Variants in MEX3D observed in about 807,000 individuals in gnomAD.
MEX3D encodes the protein RNA-binding protein MEX3D.
In MEX3D, 4 loss-of-function variants were observed where a neutral mutation model predicts 6.3. The observed-to-expected ratio is 0.64, with a 90% CI of 0.31 to 1.46. The LOEUF (loss-of-function observed/expected upper bound fraction) is 1.46, where lower values mean the gene tolerates loss of function less well. MEX3D is among the 40% of genes most tolerant of loss of function. The pLI is 0.07. For synonymous variants in MEX3D, 626 were observed against 494.1 expected, an observed-to-expected ratio of 1.27 and a Z score of -3.54; for missense variants, 1,038 against 994.4, an observed-to-expected ratio of 1.04 and a Z score of -0.59.
chr19:1,556,142 G>T lies in MEX3D; in HGVS notation c.1377C>A (p.Phe459Leu). The T allele has an allele frequency of 6.8e-7, 1 of 1,473,278 alleles. No homozygotes were observed. The highest frequency in any genetic ancestry group is 1.5e-5 in the African/African-American group (1 of 67,584). 91.3% of individuals were successfully genotyped at this position (1,473,278 alleles called of 1,614,324 possible). ...DDCDFGFDFD[F>L]LALDLTVPAA... ...CGGGCACGGTCAGGTCCAGCGCCAG[G>T]AAGTCGAAGTCGAAGCCGAAGTCGC... The change falls in exon 2 of 2, where the codon TTC becomes TTA. Residue 459 changes from phenylalanine (F) to leucine (L), a missense_variant. This residue lies in a region of MEX3D where 581 missense variants were observed against 516.2 expected (regional missense o/e 1.13). Transcript: ENST00000402693. This position sits in a 1 kb window ranked among gnomAD's most constrained non-coding sequence, Gnocchi z 7.5.
intron 1 of MEX3D, among the ~76,000 whole-genome samples, chr19:1,566,028 C>T (rs1347232535): frequency 6.6e-6 from 1 of 152,246 alleles, no homozygotes; most frequent in Non-Finnish European, 1.5e-5. Context: ...TCGGCTTGGA[C>T]GCCTGTCTCC....
chr19:1,558,871 G>T (rs1479225457), intron 1 of MEX3D, among the ~76,000 whole-genome samples: 1 of 152,188 alleles, frequency 6.6e-6, no homozygotes, highest in Non-Finnish European at 1.5e-5. Flanking sequence ...GGACATGAGT[G>T]TCAGTGTGGG....
intron 1 of MEX3D, among the ~76,000 whole-genome samples, chr19:1,559,730 A>G (rs1914671340): frequency 6.6e-6 from 1 of 152,116 alleles, no homozygotes; most frequent in Non-Finnish European, 1.5e-5. Flanking sequence ...AGCACTTTTG[A>G]CGGGGAAGAA....
chr19:1,556,682 G>A lies in MEX3D; in HGVS notation c.837C>T (p.Arg279=), dbSNP rs758205134. The A allele has an allele frequency of 2.5e-6, 4 of 1,610,636 alleles. No individual in the cohort carries two copies. The highest frequency in any genetic ancestry group is 4.5e-5 in the East Asian group (2 of 44,822). The change falls in exon 2 of 2, where the codon CGC becomes CGT. Residue 279 remains arginine, a synonymous_variant. Coordinates refer to ENST00000402693, the MANE Select transcript of MEX3D (RefSeq NM_203304.4). The surrounding 1 kb of genome is among the most constrained non-coding windows in gnomAD (Gnocchi z 7.5). ...CCAGCCCCACCACCCGGTAGGGCAC[G>A]CGCACCTGGATGGTGGTCTGTCCGG... is the stretch of plus-strand genomic sequence containing the variant. ...NLPGQTTIQV[R]VPYRVVGLVV... is the part of the protein sequence containing the mutation.
intron 1 of MEX3D, among the ~76,000 whole-genome samples, chr19:1,563,281 G>T (rs182432510): frequency 1.3e-5 from 2 of 152,182 alleles, no homozygotes; most frequent in East Asian, 3.9e-4. Flanking sequence ...CAAGGGACAG[G>T]AGGGGAGACA....
chr19:1,566,464 G>A (rs919462150), intron 1 of MEX3D, among the ~76,000 whole-genome samples: 2 of 152,168 alleles, frequency 1.3e-5, no homozygotes, highest in Non-Finnish European at 2.9e-5. Context: ...GGGCCCCGGG[G>A]AGGCAGGGAC....
At chr19:1,560,450 T>G (rs1260984052) in intron 1 of MEX3D, among the ~76,000 whole-genome samples, 2 of 152,182 alleles carry the variant, frequency 1.3e-5, no homozygotes, top group South Asian at 2.1e-4. Flanking sequence ...GGGTGCAGCA[T>G]GGGGTCCTCC....
intron 1 of MEX3D, among the ~76,000 whole-genome samples, chr19:1,560,980 A>C (rs1914703439): frequency 6.6e-6 from 1 of 152,166 alleles, no homozygotes; most frequent in African/African-American, 2.4e-5. Context: ...GGGGACACCG[A>C]AGGTTGGCAG....
chr19:1,562,635 C>G (rs558809081), intron 1 of MEX3D, among the ~76,000 whole-genome samples: 1 of 152,086 alleles, frequency 6.6e-6, no homozygotes, highest in African/African-American at 2.4e-5. Flanking sequence ...GAGGTTGAGG[C>G]TGCAGTGAGC....
rs1204614628 is a variant in MEX3D at position 1,555,125 on chromosome 19, T to A, written c.*438A>T. The A allele has an allele frequency of 2.9e-6, 1 of 344,052 alleles. No homozygotes were observed. The highest frequency in any genetic ancestry group is 5.4e-6 in the Non-Finnish European group (1 of 185,768). The allele number at this position is 344,052 out of a possible 1,614,324, so 21.3% of individuals were successfully genotyped here. On this transcript the variant is annotated 3_prime_UTR_variant, in exon 2 of 2. Coordinates refer to ENST00000402693, the MANE Select transcript of MEX3D (RefSeq NM_203304.4). ...AATGTCACCCTCCTCCTCTGGAACG[T>A]CTGTGCGGCCTGAGACCGGCCGGCG...
At chr19:1,566,452 G>T (rs1043870609) in intron 1 of MEX3D, among the ~76,000 whole-genome samples, 2 of 152,168 alleles carry the variant, frequency 1.3e-5, no homozygotes, top group African/African-American at 4.8e-5. Flanking sequence ...CTGGATTCCC[G>T]AGGGCCCCGG....
chr19:1,563,350 G>A (rs995639353), intron 1 of MEX3D, among the ~76,000 whole-genome samples: 5 of 152,208 alleles, frequency 3.3e-5, no homozygotes, highest in Admixed American at 1.3e-4. Flanking sequence ...GCCTTAGCCT[G>A]TGCCGACAGC....
At chr19:1,557,275 C>G (rs914271398) in intron 1 of MEX3D, among the ~76,000 whole-genome samples, 2 of 152,110 alleles carry the variant, frequency 1.3e-5, no homozygotes, top group African/African-American at 4.8e-5. Flanking sequence ...TAATTTAATA[C>G]GTAGGGTCGG....
In MEX3D at chr19:1,567,412, G is replaced by A. The variant is rs1400393317; in HGVS notation, c.595+52C>T. The A allele has an allele frequency of 1.4e-5, 21 of 1,503,824 alleles. No individual in the cohort carries two copies. In the East Asian group the frequency reaches 4.5e-4, roughly 32 times the overall value. The allele number at this position is 1,503,824 out of a possible 1,614,324, so 93.2% of individuals were successfully genotyped here. Reference sequence around the variant, plus strand: ...GGCTCGGGCGACCCCCTTCCCCGGGGCGGACGGTGCGGGGACCCCCAGGAC... The same window carrying A: ...GGCTCGGGCGACCCCCTTCCCCGGGACGGACGGTGCGGGGACCCCCAGGAC... On this transcript the variant is annotated intron_variant, in intron 1 of 1. Transcript: ENST00000402693. This position sits in a 1 kb window ranked among gnomAD's most constrained non-coding sequence, Gnocchi z 6.5.
In MEX3D at chr19:1,567,519, G is replaced by A; in HGVS notation, c.540C>T (p.Thr180=). ...IGSRKKSVNM[T]ECVPVPSSEH... ...CGGAGCTGGGCACCGGGACGCACTC[G>A]GTCATGTTGACGCTTTTCTTGCGGC... The change falls in exon 1 of 2, where the codon ACC becomes ACT. Residue 180 remains threonine, a synonymous_variant. Coordinates refer to ENST00000402693, the MANE Select transcript of MEX3D (RefSeq NM_203304.4). This position sits in a 1 kb window ranked among gnomAD's most constrained non-coding sequence, Gnocchi z 6.5. 1 of 1,569,688 alleles carries A rather than the reference G, an allele frequency of 6.4e-7. No homozygotes were observed. Among genetic ancestry groups the A allele is most frequent in the Non-Finnish European group, 8.6e-7 (1 of 1,159,510 alleles).
intron 1 of MEX3D, among the ~76,000 whole-genome samples, chr19:1,561,299 G>A (rs1347183369): frequency 6.6e-6 from 1 of 152,156 alleles, no homozygotes; most frequent in African/African-American, 2.4e-5. Context: ...GGCAGGAAGG[G>A]GAATGTGAAC....
rs1330101556 is a variant in MEX3D at position 1,568,250 on chromosome 19, G to C, written c.-192C>G. 1.4e-5 allele frequency among the ~76,000 whole-genome samples: 2 copies of C among 141,458 alleles called. No individual in the cohort carries two copies. Among genetic ancestry groups the C allele is most frequent in the African/African-American group, 5.1e-5 (2 of 39,480 alleles). 92.8% of individuals were successfully genotyped at this position (141,458 alleles called of 152,430 possible). On this transcript the variant is annotated 5_prime_UTR_variant, in exon 1 of 2. Transcript: ENST00000402693. ...GCCGGGCCGGGCCGGGCCGGGCGGC[G>C]GCAGCGACTCTGGCTGCGGCTCGGC...
At position 1,556,641 on chromosome 19, in the gene MEX3D, C is replaced by G. The variant is rs1320441424; in HGVS notation, c.878G>C (p.Gly293Ala). ...CTGCTGGATGCGCTTGATGGTGGCG[C>G]CCTTGGGCCCCACCACCAGCCCCAC... ...RVVGLVVGPK[G>A]ATIKRIQQRT... The change falls in exon 2 of 2, where the codon GGC (glycine) becomes GCC (alanine). Residue 293 changes from glycine (G) to alanine (A), a missense_variant. Transcript: ENST00000402693. The surrounding 1 kb of genome is among the most constrained non-coding windows in gnomAD (Gnocchi z 7.5). The G allele has an allele frequency of 1.2e-6, 2 of 1,610,466 alleles. No individual in the cohort carries two copies. Among genetic ancestry groups the G allele is most frequent in the Non-Finnish European group, 1.7e-6 (2 of 1,179,114 alleles).
intron 1 of MEX3D, among the ~76,000 whole-genome samples, chr19:1,560,698 CT>C (rs1914696023): frequency 6.6e-6 from 1 of 152,194 alleles, no homozygotes; most frequent in African/African-American, 2.4e-5. Flanking sequence ...GCGCCTCCCC[CT>C]CCCCTTACTC....
Sources: gnomAD v4.1 joint callset for allele counts (sites outside exome capture counted in the v4.1 genomes callset) on GRCh38, gnomAD v4.1.1 for gene constraint, gnomAD v4.1.1 regional missense constraint, Gnocchi (gnomAD v3.1) non-coding constraint, MANE v1.5 for transcripts, NCBI Gene and HGNC (gene_info 2026-07-23, HGNC 2026-07-21) for gene names.